The following CTNNA3 variants were observed in gnomAD, a reference collection of about 807,000 sequenced individuals.
CTNNA3 encodes catenin alpha 3.
A neutral mutation model predicts 95.7 loss-of-function variants in CTNNA3; 76 were observed. That is an observed-to-expected ratio of 0.79 (90% CI 0.66 to 0.96). The LOEUF is 0.96. Ranked by LOEUF, CTNNA3 falls within the 40% of genes least tolerant of loss-of-function variation. The pLI, the probability that CTNNA3 is intolerant of heterozygous loss-of-function variation, is 0.00. For missense variants in CTNNA3, 1,191 were observed against 1,089.8 expected (o/e 1.09, Z -1.31); for synonymous variants, 431 against 374.4 (o/e 1.15, Z -1.74).
intron 12 of CTNNA3, among the ~76,000 whole-genome samples, chr10:66,304,528 TC>T (rs1438008371): frequency 2.6e-5 from 4 of 152,226 alleles, no homozygotes; most frequent in Admixed American, 2.6e-4. Flanking sequence ...GCACTAATAA[TC>T]CATACGCTCA....
chr10:67,414,369 A>G (rs540119651), intron 5 of CTNNA3, among the ~76,000 whole-genome samples: 2 of 152,218 alleles, frequency 1.3e-5, no homozygotes, highest in African/African-American at 4.8e-5. Flanking sequence ...TACAATCTCC[A>G]AAGATGGAAT....
At chr10:66,936,579 GT>G (rs1847708346) in intron 7 of CTNNA3, among the ~76,000 whole-genome samples, 2 of 152,074 alleles carry the variant, frequency 1.3e-5, no homozygotes, top group Admixed American at 1.3e-4. Context: ...CCAATCAAAT[GT>G]TGATCCTGTC....
chr10:66,003,347 T>G (rs2078808889), intron 15 of CTNNA3, among the ~76,000 whole-genome samples: 1 of 151,684 alleles, frequency 6.6e-6, no homozygotes, highest in South Asian at 2.1e-4. Flanking sequence ...TGTGTGTGTG[T>G]GGAGAGAGAG....
At chr10:67,748,044 A>G (rs1841382922) in intron 1 of CTNNA3, among the ~76,000 whole-genome samples, 1 of 152,196 alleles carries the variant, frequency 6.6e-6, no homozygotes, top group Non-Finnish European at 1.5e-5. Flanking sequence ...GCAGGAAGAC[A>G]AGATTATGGA....
intron 5 of CTNNA3, among the ~76,000 whole-genome samples, chr10:67,348,405 C>A (rs932572842): frequency 6.6e-6 from 1 of 152,116 alleles, no homozygotes; most frequent in Non-Finnish European, 1.5e-5. Context: ...ATGTATTAGT[C>A]CATTCTGCAT....
At chr10:66,178,848 A>G (rs1296535095) in intron 13 of CTNNA3, among the ~76,000 whole-genome samples, 1 of 151,972 alleles carries the variant, frequency 6.6e-6, no homozygotes, top group African/African-American at 2.4e-5. Flanking sequence ...TTAAAGCCAC[A>G]TGAAATATCA....
chr10:66,116,854 C>T (rs946664443), intron 13 of CTNNA3, among the ~76,000 whole-genome samples: 1 of 152,052 alleles, frequency 6.6e-6, no homozygotes, highest in Non-Finnish European at 1.5e-5. Context: ...GCGCTGCACA[C>T]TTTTAAACAA....
intron 5 of CTNNA3, among the ~76,000 whole-genome samples, chr10:67,386,038 G>A (rs565924257): frequency 1.8e-4 from 27 of 152,100 alleles, no homozygotes; most frequent in South Asian, 6.2e-4. Context: ...ACATTGTTTC[G>A]AGCATCTAAA....
At chr10:66,222,503 G>C (rs1250846680) in intron 13 of CTNNA3, among the ~76,000 whole-genome samples, 1 of 151,164 alleles carries the variant, frequency 6.6e-6, no homozygotes, top group Non-Finnish European at 1.5e-5. Flanking sequence ...AGTACTTACT[G>C]TGTATTAAGT....
intron 12 of CTNNA3, among the ~76,000 whole-genome samples, chr10:66,296,856 G>C (rs1355793730): frequency 6.6e-6 from 1 of 152,060 alleles, no homozygotes; most frequent in Non-Finnish European, 1.5e-5. Context: ...AAAAAGAAAA[G>C]TAGAACTACT....
intron 5 of CTNNA3, among the ~76,000 whole-genome samples, chr10:67,454,292 G>A (rs562824753): frequency 1.2e-4 from 19 of 152,098 alleles, no homozygotes; most frequent in South Asian, 2.1e-4. Flanking sequence ...CAGAATTCTC[G>A]TGGTTATTTA....
chr10:66,219,485 G>A (rs905249272), intron 13 of CTNNA3, among the ~76,000 whole-genome samples: 9 of 152,168 alleles, frequency 5.9e-5, no homozygotes, highest in South Asian at 2.1e-4. Flanking sequence ...TGTGGCTTCC[G>A]TTTTGTTCCC....
At chr10:67,652,380 C>A (rs1414022742) in intron 1 of CTNNA3, among the ~76,000 whole-genome samples, 1 of 152,196 alleles carries the variant, frequency 6.6e-6, no homozygotes, top group East Asian at 1.9e-4. Flanking sequence ...TTTCTGTTAT[C>A]ACATCTAAAG....
At chr10:66,764,495 T>C (rs894378909) in intron 9 of CTNNA3, among the ~76,000 whole-genome samples, 3 of 152,226 alleles carry the variant, frequency 2.0e-5, no homozygotes, top group Non-Finnish European at 4.4e-5. Flanking sequence ...AGATAGTACT[T>C]ATTTTCTGAG....
At chr10:67,226,846 C>A (rs1349852497) in intron 5 of CTNNA3, among the ~76,000 whole-genome samples, 7 of 152,064 alleles carry the variant, frequency 4.6e-5, no homozygotes, top group Non-Finnish European at 8.8e-5. Flanking sequence ...AACCAAAGTA[C>A]ATAGACAACA....
chr10:65,931,204 T>G (rs1399019105), intron 17 of CTNNA3, among the ~76,000 whole-genome samples: 1 of 152,144 alleles, frequency 6.6e-6, no homozygotes, highest in Non-Finnish European at 1.5e-5. Flanking sequence ...GATGACTAGC[T>G]TTAGACAATT....
At chr10:67,415,614 A>G (rs1367997764) in intron 5 of CTNNA3, among the ~76,000 whole-genome samples, 1 of 152,248 alleles carries the variant, frequency 6.6e-6, no homozygotes, top group African/African-American at 2.4e-5. Flanking sequence ...TCAAACTACT[A>G]ATGTCACTGT....
chr10:67,251,472 T>C (rs1228127942), intron 5 of CTNNA3, among the ~76,000 whole-genome samples: 1 of 152,220 alleles, frequency 6.6e-6, no homozygotes, highest in African/African-American at 2.4e-5. Flanking sequence ...GGGAATGTTA[T>C]GATATGTGAA....
At chr10:66,881,411 C>T (rs1844846966) in intron 7 of CTNNA3, among the ~76,000 whole-genome samples, 1 of 152,094 alleles carries the variant, frequency 6.6e-6, no homozygotes. Flanking sequence ...GCTGAATACC[C>T]TGTGTGCTGG....
Sources: allele counts gnomAD v4.1 joint callset (sites outside exome capture counted in the v4.1 genomes callset), GRCh38; gene constraint gnomAD v4.1.1; transcripts MANE v1.5; gene names NCBI Gene and HGNC (gene_info 2026-07-23, HGNC 2026-07-21).